Variants in DEDD2 observed in about 807,000 individuals in gnomAD.
The protein encoded by DEDD2 is death effector domain containing 2.
In DEDD2, 18 loss-of-function variants were observed where a neutral mutation model predicts 28.9. The observed-to-expected ratio is 0.62, with a 90% CI of 0.43 to 0.92. The LOEUF is 0.92. DEDD2 is among the 40% of genes least tolerant of loss of function. The pLI is 0.00. For missense variants in DEDD2, 411 were observed against 463.3 expected (o/e 0.89, Z 1.04); for synonymous variants, 211 against 206.1 (o/e 1.02, Z -0.20).
intron 2 of DEDD2, 70 bp from the exon 3 acceptor site, chr19:42,215,322 C>T: frequency 1.0e-5 from 16 of 1,589,606 alleles, no homozygotes; most frequent in Non-Finnish European, 1.4e-5. Context: ...GGAAGAATGC[C>T]TGCACCACGA....
chr19:42,209,759 G>A lies in DEDD2; in HGVS notation c.530C>T (p.Ala177Val), dbSNP rs995478253. 6.9e-6 allele frequency: 11 copies of A among 1,602,388 alleles called. No homozygotes were observed. The African/African-American group carries it at 1.4e-4, about 20-fold the overall frequency. ...GARRRRRGAP[A>V]APQQQSEPAR... ...GGGCTCTGACTGCTGCTGGGGTGCG[G>A]CTGGGGCCCCTCTCCGCCGCCGTCT... Residue 177 changes from alanine (A) to valine (V), a missense_variant, in exon 4 of 5, where the codon GCC (alanine) becomes GTC (valine). Coordinates refer to ENST00000596251, the MANE Select transcript of DEDD2 (RefSeq NM_133328.4).
Position 42,215,229 on chromosome 19 carries a change from C to T in DEDD2, c.352G>A (p.Gly118Ser), listed in dbSNP as rs1293225824. The T allele has an allele frequency of 6.2e-7, 1 of 1,613,992 alleles. No homozygotes were observed. Among genetic ancestry groups the T allele is most frequent in the Non-Finnish European group, 8.5e-7 (1 of 1,179,998 alleles). Residue 118 changes from glycine (G) to serine (S), a missense_variant, in exon 3 of 5, where the codon GGC (glycine) becomes AGC (serine). Coordinates refer to ENST00000596251, the MANE Select transcript of DEDD2 (RefSeq NM_133328.4). ...GTCCTCTTTGAAGAGCTGGAGGTGC[C>T]ATAGCTATAGCGTTCTGGAGACACT... Reference protein sequence around the residue: ...RPVSPERYSYGTSSSSKRTEG... With the variant: ...RPVSPERYSYSTSSSSKRTEG...
At chr19:42,219,054 C>G (rs1017341371), upstream of DEDD2, among the ~76,000 whole-genome samples, 5 of 152,222 alleles carry the variant, frequency 3.3e-5, no homozygotes, top group African/African-American at 1.2e-4. Context: ...CCTGCATTCC[C>G]AGCACTTTGG....
At chr19:42,218,565 G>A (rs564511595), upstream of DEDD2, among the ~76,000 whole-genome samples, 3 of 152,230 alleles carry the variant, frequency 2.0e-5, no homozygotes, top group Admixed American at 1.3e-4. Flanking sequence ...TGGGTGTGAC[G>A]GTCGCCACGC....
chr19:42,205,554 G>T (rs879693738), intron 4 of DEDD2, among the ~76,000 whole-genome samples: 1 of 152,110 alleles, frequency 6.6e-6, no homozygotes, highest in African/African-American at 2.4e-5. Flanking sequence ...TTCAACCCGG[G>T]AGGCAGAGGT....
intron 4 of DEDD2, chr19:42,204,431 T>G (rs1364338958): frequency 6.6e-6 from 1 of 151,106 alleles, no homozygotes; most frequent in African/African-American, 2.4e-5. Context: ...TGGTTAAGAG[T>G]GTGGCAGCTC....
intron 3 of DEDD2, among the ~76,000 whole-genome samples, chr19:42,214,866 A>G (rs2035900868): frequency 6.6e-6 from 1 of 152,202 alleles, no homozygotes; most frequent in Non-Finnish European, 1.5e-5. Flanking sequence ...CTCAGCATGA[A>G]TAAATCTCAG....
At chr19:42,200,449 C>A (rs947115223) in intron 4 of DEDD2, among the ~76,000 whole-genome samples, 1 of 152,218 alleles carries the variant, frequency 6.6e-6, no homozygotes, top group Non-Finnish European at 1.5e-5. Context: ...ACACCCTGCC[C>A]CCAAACAATG....
chr19:42,200,546 G>C (rs1164546927), intron 4 of DEDD2, among the ~76,000 whole-genome samples: 2 of 152,214 alleles, frequency 1.3e-5, no homozygotes, highest in Non-Finnish European at 2.9e-5. Flanking sequence ...CCAGGCCCGG[G>C]AGGCTTGCGG....
intron 3 of DEDD2, among the ~76,000 whole-genome samples, chr19:42,210,394 T>C (rs114782012): frequency 0.021 from 3,172 of 152,138 alleles, 108 homozygotes; most frequent in African/African-American, 0.071. Flanking sequence ...AAAAATACTT[T>C]TCATACTTTT....
Position 42,217,053 on chromosome 19 carries a change from C to A in DEDD2, c.-38-8G>T. ...ACAAGCTCAGAACCCGGCCTAGAAC[C>A]CACACAGCGGGGAGGGGGCAGTGGT... On this transcript the variant is annotated splice_polypyrimidine_tract_variant and splice_region_variant and intron_variant, in intron 1 of 4. Transcript: ENST00000596251. 3.9e-6 allele frequency: 6 copies of A among 1,541,374 alleles called. No individual in the cohort carries two copies. The highest frequency in any genetic ancestry group is 5.3e-6 in the Non-Finnish European group (6 of 1,139,202).
chr19:42,214,312 G>GTAGTT (rs2035879496), intron 3 of DEDD2, among the ~76,000 whole-genome samples: 3 of 152,116 alleles, frequency 2.0e-5, no homozygotes, highest in Non-Finnish European at 4.4e-5. Context: ...AAAAAAATTA[G>GTAGTT]CCAGGCATGG....
intron 4 of DEDD2, among the ~76,000 whole-genome samples, chr19:42,202,767 G>A (rs1302791502): frequency 6.6e-6 from 1 of 152,118 alleles, no homozygotes; most frequent in African/African-American, 2.4e-5. Flanking sequence ...ATTTACAGAT[G>A]AGCAAATCCT....
In DEDD2 at chr19:42,217,021, A is replaced by T. The variant is rs1186465615; in HGVS notation, c.-14T>A. On this transcript the variant is annotated 5_prime_UTR_variant, in exon 2 of 5. Transcript: ENST00000596251. ...GGATAGCGCCATTCCCGGGGGAGGG[A>T]GGCGGAACAAGCTCAGAACCCGGCC... is the stretch of plus-strand genomic sequence containing the variant. 9 of 1,564,226 alleles carry T rather than the reference A, an allele frequency of 5.8e-6. No homozygotes were observed.
At chr19:42,208,224 A>T (rs754418985) in intron 4 of DEDD2, among the ~76,000 whole-genome samples, 15 of 152,110 alleles carry the variant, frequency 9.9e-5, no homozygotes, top group Non-Finnish European at 2.1e-4. Flanking sequence ...ACCAAGTGGA[A>T]TTTCTCAAGA....
At chr19:42,211,284 C>T (rs1334786547) in intron 3 of DEDD2, among the ~76,000 whole-genome samples, 19 of 151,836 alleles carry the variant, frequency 1.3e-4, no homozygotes, top group Admixed American at 1.2e-3. Flanking sequence ...ACTTGGGAGG[C>T]TGAGGTGGGA....
intron 4 of DEDD2, among the ~76,000 whole-genome samples, chr19:42,203,660 T>C (rs76105702): frequency 0.12 from 18,463 of 151,934 alleles, 1,301 homozygotes; most frequent in South Asian, 0.18. Flanking sequence ...CCATGTGGGG[T>C]TACTGTGAGA....
intron 4 of DEDD2, among the ~76,000 whole-genome samples, chr19:42,205,170 C>G (rs1468752697): frequency 6.6e-6 from 1 of 152,148 alleles, no homozygotes; most frequent in Non-Finnish European, 1.5e-5. Context: ...CGGGAAATGC[C>G]ACAGGACAAC....
Position 42,209,844 on chromosome 19 carries a change from AGGGG to A in DEDD2, c.449-8_449-5del. 1 of 1,512,062 alleles carries A rather than the reference AGGGG, an allele frequency of 6.6e-7. No homozygotes were observed. Among genetic ancestry groups the A allele is most frequent in the Non-Finnish European group, 8.8e-7 (1 of 1,131,550 alleles). 93.7% of individuals were successfully genotyped at this position (1,512,062 alleles called of 1,614,324 possible). ...TGCCGCTTGGTTGGGGGGGAGCCTG[AGGGG>A]AAAAAAATGGGGCAAGTTGAGGACC... On this transcript the variant is annotated splice_polypyrimidine_tract_variant and splice_region_variant and intron_variant, in intron 3 of 4. Coordinates refer to ENST00000596251, the MANE Select transcript of DEDD2 (RefSeq NM_133328.4).
Sources: gnomAD v4.1 joint callset for allele counts (sites outside exome capture counted in the v4.1 genomes callset) on GRCh38, gnomAD v4.1.1 for gene constraint, MANE v1.5 for transcripts, NCBI Gene and HGNC (gene_info 2026-07-23, HGNC 2026-07-21) for gene names.